KIF20B: variants seen among roughly 807,000 people sequenced by gnomAD.
KIF20B encodes kinesin family member 20B.
Under a neutral mutation model 232.5 loss-of-function variants are expected in KIF20B, and 188 were observed. That is an observed-to-expected ratio of 0.81 (90% CI 0.72 to 0.91). The LOEUF (loss-of-function observed/expected upper bound fraction) is 0.91, where lower values mean the gene tolerates loss of function less well. Among genes scored for constraint, KIF20B ranks in the 40% least tolerant of loss-of-function variants. KIF20B has a pLI of 0.00. For missense variants in KIF20B, 2,154 were observed against 2,055.9 expected (o/e 1.05, Z -0.92); for synonymous variants, 712 against 683.0 (o/e 1.04, Z -0.66).
intron 25 of KIF20B, among the ~76,000 whole-genome samples, chr10:89,753,012 A>G (rs146137451): frequency 0.016 from 2,368 of 152,268 alleles, 69 homozygotes; most frequent in African/African-American, 0.054. Flanking sequence ...TTACTCATCA[A>G]ATACTGCTGT....
chr10:89,716,402 A>G lies in KIF20B; in HGVS notation c.941-34A>G, dbSNP rs752314960. ...ATTGTAGAACACATTCTTTGTCTCA[A>G]TAAATTAATATATATCCTCTTTATT... On this transcript the variant is annotated intron_variant, in intron 8 of 32. Coordinates refer to ENST00000371728, the MANE Select transcript of KIF20B (RefSeq NM_001284259.2). The G allele has an allele frequency of 1.7e-5, 15 of 906,670 alleles. No individual in the cohort carries two copies. The South Asian group carries it at 2.2e-4, about 13-fold the overall frequency. The allele number at this position is 906,670 out of a possible 1,614,324, so 56.2% of individuals were successfully genotyped here.
At chr10:89,716,320 T>G in intron 8 of KIF20B, 116 bp from the exon 9 acceptor site, 1 of 560,318 alleles carries the variant, frequency 1.8e-6, no homozygotes, top group Non-Finnish European at 3.2e-6. Context: ...CTAGGATGTG[T>G]TGTTAGAAGA....
chr10:89,774,122 A>AT lies in KIF20B; in HGVS notation c.*74_*75insT. The AT allele has an allele frequency of 1.2e-6, 1 of 869,568 alleles. No homozygotes were observed. The highest frequency in any genetic ancestry group is 1.8e-6 in the Non-Finnish European group (1 of 559,698). 53.9% of individuals were successfully genotyped at this position (869,568 alleles called of 1,614,324 possible). A position where few individuals can be genotyped will look rare whatever the true frequency, so the allele number is the denominator to read the frequency against. ...AACTTGCATCCTGTATTGTAAATAT[A>AT]AATGTATATATTATGCATTAAATCA... is the stretch of plus-strand genomic sequence containing the variant. On this transcript the variant is annotated 3_prime_UTR_variant, in exon 33 of 33. Transcript: ENST00000371728.
intron 2 of KIF20B, among the ~76,000 whole-genome samples, chr10:89,706,328 T>G (rs1453587503): frequency 6.6e-6 from 1 of 152,172 alleles, no homozygotes; most frequent in Admixed American, 6.5e-5. Flanking sequence ...GTTTCATTAG[T>G]GTTTTGTGAG....
At chr10:89,766,989 T>C (rs1472675897) in intron 29 of KIF20B, among the ~76,000 whole-genome samples, 2 of 151,938 alleles carry the variant, frequency 1.3e-5, no homozygotes, top group Non-Finnish European at 2.9e-5. Context: ...AAATATTTTA[T>C]TAATTTTACT....
chr10:89,768,996 A>G, intron 31 of KIF20B, 108 bp downstream of exon 31: 2 of 891,186 alleles, frequency 2.2e-6, no homozygotes, highest in East Asian at 2.6e-5. Flanking sequence ...TTATACTTCA[A>G]ATAGGCATTG....
chr10:89,734,864 T>C (rs776593452), intron 19 of KIF20B, among the ~76,000 whole-genome samples: 2 of 152,198 alleles, frequency 1.3e-5, no homozygotes, highest in African/African-American at 2.4e-5. Flanking sequence ...CAAACTGATA[T>C]GTTAAGATCC....
chr10:89,720,687 C>A (rs1345961915), intron 13 of KIF20B, among the ~76,000 whole-genome samples: 1 of 151,756 alleles, frequency 6.6e-6, no homozygotes, highest in Admixed American at 6.6e-5. Context: ...TAGCTTCTGT[C>A]CAATTATAGT....
intron 30 of KIF20B, 22 bp downstream of exon 30, chr10:89,768,413 A>G (rs1386379339): frequency 8.9e-6 from 12 of 1,343,710 alleles, no homozygotes; most frequent in Non-Finnish European, 1.1e-5. Context: ...AATTTGTCCA[A>G]AATTGTAGCA....
chr10:89,739,856 T>C (rs1841755365), intron 21 of KIF20B, among the ~76,000 whole-genome samples: 1 of 152,188 alleles, frequency 6.6e-6, no homozygotes, highest in African/African-American at 2.4e-5. Context: ...TCTCAAACTT[T>C]TATTTTTCAC....
intron 1 of KIF20B, among the ~76,000 whole-genome samples, chr10:89,704,224 C>G (rs191918463): frequency 6.6e-6 from 1 of 152,212 alleles, no homozygotes; most frequent in Non-Finnish European, 1.5e-5. Context: ...CTTTCTTGAG[C>G]TAGGAACCTT....
intron 2 of KIF20B, 122 bp from the exon 3 acceptor site, chr10:89,709,045 A>T: frequency 1.4e-6 from 1 of 699,656 alleles, no homozygotes; most frequent in Non-Finnish European, 2.5e-6. Context: ...CAGGATAGTG[A>T]CTGCTTAGAA....
intron 20 of KIF20B, 100 bp downstream of exon 20, chr10:89,738,717 C>CCT: frequency 7.2e-7 from 1 of 1,391,654 alleles, no homozygotes; most frequent in Non-Finnish European, 9.4e-7. Flanking sequence ...TCTGGTAAAG[C>CCT]GTAGCATGTA....
rs201314734 is a variant in KIF20B at position 89,712,346 on chromosome 10, TG to T, written c.675+1204del. On this transcript the variant is annotated intron_variant, in intron 6 of 32. Coordinates refer to ENST00000371728, the MANE Select transcript of KIF20B (RefSeq NM_001284259.2). ...ATAGCTCACTGCTGTCTTGAACTCC[TG>T]GGCACAAGTGATTCTCCTGCCTCGA... Among the ~76,000 whole-genome samples, 37 of 152,164 alleles carry T rather than the reference TG, an allele frequency of 2.4e-4. No homozygotes were observed. In the East Asian group the frequency reaches 4.1e-3, roughly 17 times the overall value.
chr10:89,750,502 G>A (rs1841999841), intron 23 of KIF20B, among the ~76,000 whole-genome samples: 1 of 152,054 alleles, frequency 6.6e-6, no homozygotes, highest in Non-Finnish European at 1.5e-5. Flanking sequence ...TTTGTTTTAT[G>A]TGCACTTTGA....
intron 21 of KIF20B, among the ~76,000 whole-genome samples, chr10:89,739,630 G>T (rs548907198): frequency 1.4e-5 from 2 of 145,746 alleles, no homozygotes; most frequent in African/African-American, 2.5e-5. Context: ...ATTTTCTGTC[G>T]TACTTAGACC....
chr10:89,734,429 G>A (rs1434245569), intron 19 of KIF20B, among the ~76,000 whole-genome samples: 2 of 152,016 alleles, frequency 1.3e-5, no homozygotes, highest in Non-Finnish European at 2.9e-5. Flanking sequence ...GAAAGTGGTG[G>A]TGGGGGGTCA....
At chr10:89,758,031 T>G (rs573891569) in intron 26 of KIF20B, among the ~76,000 whole-genome samples, 70 of 152,186 alleles carry the variant, frequency 4.6e-4, no homozygotes, top group African/African-American at 1.6e-3. Flanking sequence ...AGATAATTGC[T>G]GTCATTTTGT....
At chr10:89,746,030 G>T (rs1253499591) in intron 23 of KIF20B, 71 bp downstream of exon 23, 1 of 1,103,674 alleles carries the variant, frequency 9.1e-7, no homozygotes, top group East Asian at 2.4e-5. Context: ...TGCGATGGGG[G>T]TATGACTTGC....
Sources: allele counts gnomAD v4.1 joint callset (sites outside exome capture counted in the v4.1 genomes callset), GRCh38; gene constraint gnomAD v4.1.1; transcripts MANE v1.5; gene names NCBI Gene and HGNC (gene_info 2026-07-23, HGNC 2026-07-21).